NPY2R: variants seen among roughly 807,000 people sequenced by gnomAD.
NPY2R encodes the protein neuropeptide Y receptor type 2.
Under a neutral mutation model 22.3 loss-of-function variants are expected in NPY2R, and 17 were observed. That is an observed-to-expected ratio of 0.76 (90% CI 0.52 to 1.14). NPY2R has a LOEUF of 1.14. Ranked by LOEUF, NPY2R falls within the 50% of genes most tolerant of loss-of-function variation. NPY2R has a pLI of 0.00. For synonymous variants in NPY2R, 209 were observed against 183.4 expected (o/e 1.14, Z -1.13); for missense variants, 424 against 467.9 (o/e 0.91, Z 0.87).
chr4:155,199,615 C>T, the NPY2R span, among the ~76,000 whole-genome samples: 100 of 152,198 alleles, frequency 6.6e-4, no homozygotes, highest in African/African-American at 2.3e-3. Flanking sequence ...TGACTTCAAA[C>T]TATATACAAG....
In NPY2R at chr4:155,213,413, T is replaced by C. The variant is rs77111950; in HGVS notation, c.-48-479T>C. 8.6e-3 allele frequency among the ~76,000 whole-genome samples: 1,306 copies of C among 152,298 alleles called. 24 individuals are homozygous for C. The highest frequency in any genetic ancestry group is 0.03 in the African/African-American group (1,247 of 41,570). On this transcript the variant is annotated intron_variant, in intron 1 of 1. Transcript: ENST00000329476. ...TCCCAAGGTTCAGGCACCAGACAAA[T>C]AGTTTTAATATGTTCCCCTTTCTTA...
At chr4:155,212,644 C>A (rs371874534) in intron 1 of NPY2R, among the ~76,000 whole-genome samples, 2 of 151,930 alleles carry the variant, frequency 1.3e-5, no homozygotes, top group East Asian at 3.9e-4. Flanking sequence ...TAAATAAAAG[C>A]AAAAGAGGAT....
the NPY2R span, among the ~76,000 whole-genome samples, chr4:155,200,582 A>G: frequency 6.6e-6 from 1 of 152,178 alleles, no homozygotes; most frequent in African/African-American, 2.4e-5. Flanking sequence ...TATTTACAAT[A>G]GTAAAGACAT....
At chr4:155,207,205 G>A (rs1258759292), upstream of NPY2R, 2 of 152,062 alleles carry the variant, frequency 1.3e-5, no homozygotes, top group African/African-American at 2.4e-5. Context: ...ATACTATTAG[G>A]GTGTGGAAAA....
the NPY2R span, among the ~76,000 whole-genome samples, chr4:155,191,028 G>A: frequency 0.015 from 2,348 of 151,966 alleles, 53 homozygotes; most frequent in African/African-American, 0.053. Context: ...ATTGCTGGAA[G>A]AGAGTTTTGA....
the NPY2R span, among the ~76,000 whole-genome samples, chr4:155,189,839 T>C: frequency 6.6e-6 from 1 of 152,016 alleles, no homozygotes; most frequent in Non-Finnish European, 1.5e-5. Context: ...AGTAATTCCA[T>C]TGGAAAGCAA....
At chr4:155,181,652 G>A in the NPY2R span, among the ~76,000 whole-genome samples, 1 of 152,170 alleles carries the variant, frequency 6.6e-6, no homozygotes, top group Non-Finnish European at 1.5e-5. Context: ...AAGCCACAAT[G>A]AGATGTTGTC....
chr4:155,189,036 T>C, the NPY2R span, among the ~76,000 whole-genome samples: 1 of 152,122 alleles, frequency 6.6e-6, no homozygotes, highest in Non-Finnish European at 1.5e-5. Flanking sequence ...CAGAGCTTTT[T>C]TAAAGCACTT....
At chr4:155,199,169 T>G in the NPY2R span, among the ~76,000 whole-genome samples, 7 of 152,012 alleles carry the variant, frequency 4.6e-5, no homozygotes, top group Non-Finnish European at 2.9e-5. Context: ...TCTTACCTAT[T>G]GGGCTTCTAC....
At chr4:155,200,856 G>C in the NPY2R span, among the ~76,000 whole-genome samples, 4 of 152,006 alleles carry the variant, frequency 2.6e-5, no homozygotes, top group Non-Finnish European at 5.9e-5. Context: ...CCAGTTGGTG[G>C]TTTGGGGGTG....
chr4:155,215,059 T>C lies in NPY2R; in HGVS notation c.1120T>C (p.Ser374Pro), dbSNP rs1729487725. 1 of 1,613,338 alleles carries C rather than the reference T, an allele frequency of 6.2e-7. No homozygotes were observed. The highest frequency in any genetic ancestry group is 8.5e-7 in the Non-Finnish European group (1 of 1,180,006). Residue 374 changes from serine (S) to proline (P), a missense_variant, in exon 2 of 2, where the codon TCT (serine) becomes CCT (proline). By Grantham distance (74) the Ser-to-Pro change is moderately conservative. Coordinates refer to ENST00000329476, the MANE Select transcript of NPY2R (RefSeq NM_000910.4). The part of the protein sequence containing the change: ...EVRKNSGPND[S>P]FTEATNV ...CAGAAAGAACAGTGGCCCCAATGAC[T>C]CTTTCACAGAGGCTACCAATGTCTA...
chr4:155,176,171 C>G, the NPY2R span, among the ~76,000 whole-genome samples: 1 of 152,138 alleles, frequency 6.6e-6, no homozygotes, highest in Non-Finnish European at 1.5e-5. Context: ...GCTATAAAAA[C>G]CCCCCAATTT....
chr4:155,201,061 A>AAT, the NPY2R span, among the ~76,000 whole-genome samples: 2 of 152,068 alleles, frequency 1.3e-5, no homozygotes, highest in African/African-American at 4.8e-5. Context: ...AAATGCAAAC[A>AAT]ATATATATAC....
At chr4:155,185,490 T>C in the NPY2R span, among the ~76,000 whole-genome samples, 3 of 152,178 alleles carry the variant, frequency 2.0e-5, no homozygotes, top group African/African-American at 7.2e-5. Context: ...TGTACAAAAT[T>C]ATCATTTGAT....
intron 1 of NPY2R, among the ~76,000 whole-genome samples, chr4:155,210,574 G>C (rs1167346326): frequency 6.6e-6 from 1 of 152,142 alleles, no homozygotes; most frequent in Non-Finnish European, 1.5e-5. Flanking sequence ...TAGTCTAGGG[G>C]ATATGGTGTG....
the NPY2R span, among the ~76,000 whole-genome samples, chr4:155,185,123 T>C: frequency 2.6e-5 from 4 of 151,168 alleles, no homozygotes; most frequent in South Asian, 6.3e-4. Flanking sequence ...CACTGCAAAC[T>C]CCACCTCCCA....
the NPY2R span, among the ~76,000 whole-genome samples, chr4:155,190,128 C>G: frequency 2.6e-5 from 4 of 151,998 alleles, no homozygotes; most frequent in African/African-American, 9.7e-5. Flanking sequence ...TGCAATGACT[C>G]TGCAAGAATT....
the NPY2R span, among the ~76,000 whole-genome samples, chr4:155,198,615 T>A: frequency 3.2e-4 from 24 of 75,442 alleles, no homozygotes; most frequent in African/African-American, 8.4e-4. Context: ...TGATATATAT[T>A]TTTTTTCTGT....
At chr4:155,196,531 G>A in the NPY2R span, among the ~76,000 whole-genome samples, 4 of 151,932 alleles carry the variant, frequency 2.6e-5, no homozygotes, top group East Asian at 7.7e-4. Flanking sequence ...AAAGTAACTA[G>A]GGCTCAGAAA....
Sources: allele counts gnomAD v4.1 joint callset (sites outside exome capture counted in the v4.1 genomes callset), GRCh38; gene constraint gnomAD v4.1.1; transcripts MANE v1.5; gene names NCBI Gene and HGNC (gene_info 2026-07-23, HGNC 2026-07-21).